Variants in OSBP2 observed in about 807,000 individuals in gnomAD.
The protein encoded by OSBP2 is oxysterol-binding protein 2.
OSBP2 carries 66 observed loss-of-function variants against 96.0 expected under a neutral mutation model. That is an observed-to-expected ratio of 0.69 (90% CI 0.56 to 0.84). OSBP2 has a LOEUF of 0.84. OSBP2 is among the 40% of genes least tolerant of loss of function. The probability of loss-of-function intolerance (pLI) is 0.00; values close to 1 mark genes in which losing one functional copy is unlikely to be tolerated. For missense variants in OSBP2, 1,038 were observed against 1,222.7 expected (o/e 0.85, Z 2.25); for synonymous variants, 525 against 520.9 (o/e 1.01, Z -0.11).
chr22:30,866,762 GTGT>G (rs1211508872), intron 2 of OSBP2, among the ~76,000 whole-genome samples: 1 of 152,064 alleles, frequency 6.6e-6, no homozygotes, highest in Non-Finnish European at 1.5e-5. Context: ...AAAAAAATGT[GTGT>G]TGTTTCAAGC....
intron 2 of OSBP2, among the ~76,000 whole-genome samples, chr22:30,857,580 T>C (rs1054282126): frequency 5.9e-5 from 9 of 152,264 alleles, no homozygotes; most frequent in African/African-American, 2.2e-4. Context: ...ACCTCGAACA[T>C]GGGTCCATTT....
chr22:30,747,263 T>G lies in OSBP2; in HGVS notation c.853+5894T>G, dbSNP rs545985627. Among the ~76,000 whole-genome samples the G allele has an allele frequency of 7.2e-5, 11 of 152,184 alleles. No homozygotes were observed. In the East Asian group the frequency reaches 1.7e-3, roughly 24 times the overall value. ...GGTATGGGGTTTCTTTTTGGGGTGA[T>G]GAGAATATTATGTAACTAGACAGAG... On this transcript the variant is annotated intron_variant, in intron 2 of 13. Coordinates refer to ENST00000332585, the MANE Select transcript of OSBP2 (RefSeq NM_030758.4).
At chr22:30,694,784 G>A (rs2088990146), upstream of OSBP2, 1 of 598,104 alleles carries the variant, frequency 1.7e-6, no homozygotes, top group Non-Finnish European at 2.1e-6. Context: ...GAGCGCACGG[G>A]ACCGCGGAGG....
At chr22:30,813,079 T>C (rs747127294) in intron 2 of OSBP2, among the ~76,000 whole-genome samples, 10 of 152,162 alleles carry the variant, frequency 6.6e-5, no homozygotes, top group Non-Finnish European at 1.3e-4. Context: ...CTGTGGAATT[T>C]CTAAATGTTT....
At chr22:30,845,347 T>G (rs2038846564) in intron 2 of OSBP2, among the ~76,000 whole-genome samples, 1 of 151,958 alleles carries the variant, frequency 6.6e-6, no homozygotes, top group Non-Finnish European at 1.5e-5. Context: ...TGCTTGATCC[T>G]GGGAGGCAGA....
chr22:30,741,832 T>C (rs1179539417), intron 2 of OSBP2, among the ~76,000 whole-genome samples: 1 of 151,962 alleles, frequency 6.6e-6, no homozygotes, highest in African/African-American at 2.4e-5. Context: ...ATTTATTTTA[T>C]TTTTTGAGAT....
chr22:30,798,840 T>G (rs893957124), intron 2 of OSBP2, among the ~76,000 whole-genome samples: 1 of 151,812 alleles, frequency 6.6e-6, no homozygotes, highest in Admixed American at 6.6e-5. Context: ...TGGTGAAACC[T>G]TGTCTGTACT....
intron 1 of OSBP2, among the ~76,000 whole-genome samples, chr22:30,698,202 G>T (rs1424193146): frequency 6.6e-6 from 1 of 152,148 alleles, no homozygotes; most frequent in Non-Finnish European, 1.5e-5. Context: ...GCCCTCTCCA[G>T]ACACCCAGCT....
intron 3 of OSBP2, among the ~76,000 whole-genome samples, chr22:30,887,221 T>C (rs2147148255): frequency 6.6e-6 from 1 of 152,306 alleles, no homozygotes; most frequent in African/African-American, 2.4e-5. Context: ...GCAACCTGTT[T>C]TATCAGCAAG....
At chr22:30,808,650 G>A (rs979159081) in intron 2 of OSBP2, among the ~76,000 whole-genome samples, 19 of 152,184 alleles carry the variant, frequency 1.2e-4, no homozygotes, top group Non-Finnish European at 4.4e-5. Flanking sequence ...ATGTCCTTAT[G>A]AGAAGAGAGA....
Position 30,858,142 on chromosome 22 carries a change from TGTTTGTTTG to T in OSBP2, c.854-12286_854-12278del, listed in dbSNP as rs1569152897. 3.9e-3 allele frequency among the ~76,000 whole-genome samples: 360 copies of T among 92,790 alleles called. 10 individuals carry two copies. Among genetic ancestry groups the T allele is most frequent in the Middle Eastern group, 0.011 (2 of 190 alleles). 60.9% of individuals were successfully genotyped at this position (92,790 alleles called of 152,430 possible). A position where few individuals can be genotyped will look rare whatever the true frequency, so the allele number is the denominator to read the frequency against. Reference sequence around the variant, plus strand: ...TTTGTTTTTTTTTTGTTTGTTTGTTTGTTTGTTTGTTTTTTGAGACGGAGTCTCGCTCTG... The same window carrying T: ...TTTGTTTTTTTTTTGTTTGTTTGTTTTTTTTTGAGACGGAGTCTCGCTCTG... On this transcript the variant is annotated intron_variant, in intron 2 of 13. Coordinates refer to ENST00000332585, the MANE Select transcript of OSBP2 (RefSeq NM_030758.4).
chr22:30,810,095 T>C (rs145847628), intron 2 of OSBP2, among the ~76,000 whole-genome samples: 1 of 151,622 alleles, frequency 6.6e-6, no homozygotes, highest in African/African-American at 2.4e-5. Context: ...GATGGGGAAA[T>C]GTGAATGGGG....
chr22:30,711,249 G>T (rs1345205757), intron 1 of OSBP2, among the ~76,000 whole-genome samples: 1 of 151,548 alleles, frequency 6.6e-6, no homozygotes, highest in Non-Finnish European at 1.5e-5. Context: ...TTTTATAAAA[G>T]CTAGGAAATA....
intron 1 of OSBP2, among the ~76,000 whole-genome samples, chr22:30,726,090 A>G (rs1257550981): frequency 1.3e-5 from 2 of 152,136 alleles, no homozygotes; most frequent in Admixed American, 6.6e-5. Context: ...AGTCATGTTC[A>G]TGATAGGCTC....
At chr22:30,732,066 G>T (rs187720651) in intron 1 of OSBP2, among the ~76,000 whole-genome samples, 113 of 152,310 alleles carry the variant, frequency 7.4e-4, no homozygotes, top group Non-Finnish European at 1.5e-3. Flanking sequence ...CACTTTGGGA[G>T]GCCAAGGTGG....
intron 1 of OSBP2, among the ~76,000 whole-genome samples, chr22:30,715,162 G>C (rs78304746): frequency 0.015 from 2,287 of 151,940 alleles, 30 homozygotes; most frequent in Middle Eastern, 0.044. Flanking sequence ...CTCCCAAAGT[G>C]CTGAGATTAC....
chr22:30,741,491 T>G (rs1383492643), intron 2 of OSBP2, 122 bp downstream of exon 2: 15 of 753,162 alleles, frequency 2.0e-5, no homozygotes, highest in Non-Finnish European at 3.0e-5. Context: ...TGGATCAATC[T>G]GGAAGGTCAA....
At chr22:30,785,704 G>A (rs1314720726) in intron 2 of OSBP2, among the ~76,000 whole-genome samples, 3 of 151,950 alleles carry the variant, frequency 2.0e-5, no homozygotes, top group African/African-American at 7.3e-5. Context: ...CCCACATATC[G>A]AGGGAGGGAG....
chr22:30,905,406 C>T (rs906976222), intron 12 of OSBP2, among the ~76,000 whole-genome samples: 1 of 151,394 alleles, frequency 6.6e-6, no homozygotes, highest in African/African-American at 2.4e-5. Flanking sequence ...CCTCCCAAAG[C>T]GCTGGGATTA....
Sources: gnomAD v4.1 joint callset for allele counts (sites outside exome capture counted in the v4.1 genomes callset) on GRCh38, gnomAD v4.1.1 for gene constraint, MANE v1.5 for transcripts, NCBI Gene and HGNC (gene_info 2026-07-23, HGNC 2026-07-21) for gene names.